RIMKLB: variants seen among roughly 807,000 people sequenced by gnomAD.
RIMKLB encodes the protein ribosomal modification protein rimK like family member B, also known as beta-citrylglutamate synthase B.
Under a neutral mutation model 32.0 loss-of-function variants are expected in RIMKLB, and 7 were observed. That is an observed-to-expected ratio of 0.22 (90% CI 0.12 to 0.41). The LOEUF is 0.41. Among genes scored for constraint, RIMKLB ranks in the 10% least tolerant of loss-of-function variants. RIMKLB has a pLI of 1.00. For synonymous variants in RIMKLB, 172 were observed against 185.1 expected (o/e 0.93, Z 0.57); for missense variants, 289 against 498.7 (o/e 0.58, Z 4.00).
chr12:8,738,996 C>A (rs1947260426), intron 2 of RIMKLB, among the ~76,000 whole-genome samples: 1 of 152,198 alleles, frequency 6.6e-6, no homozygotes, highest in Non-Finnish European at 1.5e-5. Flanking sequence ...TTGAGGTTAA[C>A]ACTTAGGATT....
At chr12:8,683,938 G>T (rs1003345459) in intron 1 of RIMKLB, among the ~76,000 whole-genome samples, 1 of 151,786 alleles carries the variant, frequency 6.6e-6, no homozygotes. Context: ...AGTAGAGGTG[G>T]AGTTTCACCA....
chr12:8,760,038 T>A (rs1331447153), intron 5 of RIMKLB, among the ~76,000 whole-genome samples: 6 of 152,250 alleles, frequency 3.9e-5, no homozygotes, highest in Non-Finnish European at 7.3e-5. Context: ...GTTGGTGTGC[T>A]GCACCCATTA....
At chr12:8,779,888 TC>T (rs1950932403), downstream of RIMKLB, 1 of 146,258 alleles carries the variant, frequency 6.8e-6, no homozygotes, top group Non-Finnish European at 1.6e-5. Context: ...TTCCCCTAAT[TC>T]TTTTATGTAT....
At chr12:8,683,995 C>G (rs1448552816) in intron 1 of RIMKLB, among the ~76,000 whole-genome samples, 1 of 151,826 alleles carries the variant, frequency 6.6e-6, no homozygotes, top group Non-Finnish European at 1.5e-5. Flanking sequence ...TGAACCACCC[C>G]CCTCGGCTTC....
chr12:8,768,229 C>T (rs1352653205), intron 5 of RIMKLB, among the ~76,000 whole-genome samples: 1 of 152,194 alleles, frequency 6.6e-6, no homozygotes, highest in East Asian at 1.9e-4. Context: ...AGCCTTTAGC[C>T]CGATCAGGAG....
At chr12:8,761,783 G>A (rs1374330488) in intron 5 of RIMKLB, among the ~76,000 whole-genome samples, 1 of 152,156 alleles carries the variant, frequency 6.6e-6, no homozygotes, top group African/African-American at 2.4e-5. Flanking sequence ...CTGTTGGGGA[G>A]GTTGGCTGAC....
chr12:8,766,221 A>T lies in RIMKLB; in HGVS notation c.698-7100A>T, dbSNP rs910673219. On this transcript the variant is annotated intron_variant, in intron 5 of 5. Coordinates refer to ENST00000535829, the MANE Select transcript of RIMKLB (RefSeq NM_001297776.2). ...TGCTTATTCCTTTCCAGGGTGTGTA[A>T]CCACCCATGGACTTCTGCTTATCGG... is the stretch of plus-strand genomic sequence containing the variant. Among the ~76,000 whole-genome samples, 4 of 152,216 alleles carry T rather than the reference A, an allele frequency of 2.6e-5. No homozygotes were observed. The South Asian group carries it at 8.3e-4, about 32-fold the overall frequency.
intron 2 of RIMKLB, among the ~76,000 whole-genome samples, chr12:8,737,625 T>A (rs890259648): frequency 6.6e-6 from 1 of 152,214 alleles, no homozygotes; most frequent in East Asian, 1.9e-4. Flanking sequence ...AATTATGATG[T>A]TGTTACAAAA....
chr12:8,710,901 G>A (rs1014225527), intron 1 of RIMKLB, among the ~76,000 whole-genome samples: 3 of 149,530 alleles, frequency 2.0e-5, no homozygotes, highest in African/African-American at 7.4e-5. Flanking sequence ...GCCAAAGTGG[G>A]AGGATTGGTT....
chr12:8,751,407 G>A (rs1171122072), intron 3 of RIMKLB, among the ~76,000 whole-genome samples: 1 of 151,924 alleles, frequency 6.6e-6, no homozygotes, highest in East Asian at 1.9e-4. Flanking sequence ...ATTTGTTTTT[G>A]GGCAATAAAA....
intron 1 of RIMKLB, among the ~76,000 whole-genome samples, chr12:8,690,636 T>C (rs1217422569): frequency 2.0e-5 from 3 of 152,106 alleles, no homozygotes; most frequent in Admixed American, 6.6e-5. Context: ...AAAAAGAAGA[T>C]ACTCCAGGCC....
At chr12:8,763,549 T>TA (rs1269757158) in intron 5 of RIMKLB, among the ~76,000 whole-genome samples, 13 of 152,366 alleles carry the variant, frequency 8.5e-5, no homozygotes, top group African/African-American at 2.9e-4. Context: ...GATAAGCCAA[T>TA]ATAGGCTGGA....
chr12:8,754,557 C>G (rs897904122), intron 5 of RIMKLB, among the ~76,000 whole-genome samples: 2 of 152,180 alleles, frequency 1.3e-5, no homozygotes, highest in Non-Finnish European at 2.9e-5. Flanking sequence ...TTATCCTCCT[C>G]TTCTCTGTTT....
At chr12:8,710,242 C>T (rs1944258325) in intron 1 of RIMKLB, among the ~76,000 whole-genome samples, 1 of 151,182 alleles carries the variant, frequency 6.6e-6, no homozygotes, top group Non-Finnish European at 1.5e-5. Context: ...GATCTGCCCA[C>T]CTCAGCCTCC....
At chr12:8,676,890 C>G (rs1942346295), upstream of RIMKLB, among the ~76,000 whole-genome samples, 1 of 149,534 alleles carries the variant, frequency 6.7e-6, no homozygotes, top group South Asian at 2.1e-4. Context: ...GAGTGACTAC[C>G]AAGGGACTCT....
chr12:8,728,966 CACTT>C lies in RIMKLB; in HGVS notation c.175+14929_175+14932del, dbSNP rs1261151963. Among the ~76,000 whole-genome samples the C allele has an allele frequency of 6.6e-5, 10 of 152,238 alleles. No individual in the cohort carries two copies. In the East Asian group the frequency reaches 1.9e-3, roughly 29 times the overall value. ...GGCTCCAGCAGGGGTGAACTCCACT[CACTT>C]ACTGCTCCACCCCTCATGGGAGGGG... is the stretch of plus-strand genomic sequence containing the variant. On this transcript the variant is annotated intron_variant, in intron 2 of 5. Coordinates refer to ENST00000535829, the MANE Select transcript of RIMKLB (RefSeq NM_001297776.2).
chr12:8,729,009 C>T (rs754037741), intron 2 of RIMKLB, among the ~76,000 whole-genome samples: 26 of 152,072 alleles, frequency 1.7e-4, no homozygotes, highest in Non-Finnish European at 2.6e-4. Context: ...CACAGGTAAG[C>T]GGGTGCAGGA....
chr12:8,694,355 G>A (rs771117645), upstream of RIMKLB, among the ~76,000 whole-genome samples: 27 of 151,416 alleles, frequency 1.8e-4, no homozygotes, highest in South Asian at 4.2e-3. Context: ...TGGGATTACA[G>A]GTGTGAGCCA....
downstream of RIMKLB, among the ~76,000 whole-genome samples, chr12:8,781,083 G>A (rs1374033837): frequency 6.6e-6 from 1 of 152,224 alleles, no homozygotes; most frequent in Non-Finnish European, 1.5e-5. Flanking sequence ...GCTCACGCCT[G>A]TAATCCTAAC....
Sources: gnomAD v4.1 joint callset for allele counts (sites outside exome capture counted in the v4.1 genomes callset) on GRCh38, gnomAD v4.1.1 for gene constraint, MANE v1.5 for transcripts, NCBI Gene and HGNC (gene_info 2026-07-23, HGNC 2026-07-21) for gene names.